The following SLC10A7 variants were observed in gnomAD, a reference collection of about 807,000 sequenced individuals.
The protein encoded by SLC10A7 is sodium/bile acid cotransporter 7.
SLC10A7 carries 29 observed loss-of-function variants against 43.2 expected under a neutral mutation model. That is an observed-to-expected ratio of 0.67 (90% CI 0.50 to 0.92). The LOEUF (loss-of-function observed/expected upper bound fraction) is 0.92. Ranked by LOEUF, SLC10A7 falls within the 40% of genes least tolerant of loss-of-function variation. The pLI is 0.00. For missense variants in SLC10A7, 295 were observed against 403.2 expected (o/e 0.73, Z 2.30); for synonymous variants, 152 against 144.8 (o/e 1.05, Z -0.35).
At chr4:146,403,586 T>A (rs1440307042) in intron 5 of SLC10A7, among the ~76,000 whole-genome samples, 1 of 152,190 alleles carries the variant, frequency 6.6e-6, no homozygotes, top group African/African-American at 2.4e-5. Flanking sequence ...CACACCTAAC[T>A]ATGACAGCCT....
In SLC10A7 at chr4:146,264,335, T is replaced by C. The variant is rs562806211; in HGVS notation, c.848-5498A>G. ...CTTGAGAAACAGACATTTTTCTTCT[T>C]AGATTAAATATGGACTTTTATTTAA... On this transcript the variant is annotated intron_variant, in intron 10 of 11. Transcript: ENST00000335472. Among the ~76,000 whole-genome samples, 251 of 152,346 alleles carry C rather than the reference T, an allele frequency of 1.6e-3. 1 individual carries two copies. The highest frequency in any genetic ancestry group is 5.5e-3 in the African/African-American group (227 of 41,582).
intron 5 of SLC10A7, among the ~76,000 whole-genome samples, chr4:146,335,529 G>A (rs142864004): frequency 6.6e-6 from 1 of 152,184 alleles, no homozygotes; most frequent in Non-Finnish European, 1.5e-5. Flanking sequence ...AAGGCAGTCA[G>A]TGCCTCTGCT....
At chr4:146,457,430 T>G (rs955976877) in intron 4 of SLC10A7, among the ~76,000 whole-genome samples, 1 of 151,942 alleles carries the variant, frequency 6.6e-6, no homozygotes, top group African/African-American at 2.4e-5. Flanking sequence ...AATTAAATTA[T>G]TATTGACTAT....
At chr4:146,396,333 AAT>A (rs909170236) in intron 5 of SLC10A7, among the ~76,000 whole-genome samples, 3 of 152,190 alleles carry the variant, frequency 2.0e-5, no homozygotes, top group Non-Finnish European at 4.4e-5. Flanking sequence ...GTGGAAAGAG[AAT>A]ATCTAAATAA....
At chr4:146,310,887 CAG>C (rs773495883) in intron 6 of SLC10A7, among the ~76,000 whole-genome samples, 9 of 140,320 alleles carry the variant, frequency 6.4e-5, no homozygotes, top group East Asian at 2.1e-4. Flanking sequence ...CAGTGTGAAA[CAG>C]GGGAAGGGGG....
intron 6 of SLC10A7, among the ~76,000 whole-genome samples, chr4:146,314,840 C>A (rs1039078104): frequency 2.0e-5 from 3 of 152,022 alleles, no homozygotes; most frequent in African/African-American, 7.2e-5. Context: ...CAATTATGCA[C>A]CTATTTAAAT....
intron 10 of SLC10A7, among the ~76,000 whole-genome samples, chr4:146,268,369 T>A (rs1280710175): frequency 6.6e-6 from 1 of 151,992 alleles, no homozygotes; most frequent in Admixed American, 6.6e-5. Context: ...CAAAGATAGG[T>A]CATAAACTTG....
At chr4:146,296,891 C>G (rs1730823355) in intron 7 of SLC10A7, among the ~76,000 whole-genome samples, 1 of 152,152 alleles carries the variant, frequency 6.6e-6, no homozygotes, top group Non-Finnish European at 1.5e-5. Context: ...TAGCCACTTA[C>G]ACTTTTGATA....
Position 146,291,301 on chromosome 4 carries a change from G to A in SLC10A7, c.773+1628C>T, listed in dbSNP as rs72728000. 5.4e-3 allele frequency among the ~76,000 whole-genome samples: 819 copies of A among 152,270 alleles called. 4 individuals are homozygous for A. The highest frequency in any genetic ancestry group is 0.02 in the East Asian group (102 of 5,182). On this transcript the variant is annotated intron_variant, in intron 9 of 11. Transcript: ENST00000335472. ...CCCAATTAAGTCACATTTTCTCTGT[G>A]ACTTAATGGCTCCAGGCTTTACTCT...
chr4:146,316,435 G>A (rs1732328614), intron 6 of SLC10A7, among the ~76,000 whole-genome samples: 2 of 152,016 alleles, frequency 1.3e-5, no homozygotes, highest in Admixed American at 1.3e-4. Flanking sequence ...TTATAAAAGA[G>A]GCCCTAGAGA....
chr4:146,513,505 A>G (rs568978275), intron 2 of SLC10A7, among the ~76,000 whole-genome samples: 2 of 152,324 alleles, frequency 1.3e-5, no homozygotes, highest in African/African-American at 4.8e-5. Flanking sequence ...TACCACTTTT[A>G]TTACAACAGA....
At chr4:146,481,816 G>T (rs544523849) in intron 4 of SLC10A7, among the ~76,000 whole-genome samples, 1 of 152,272 alleles carries the variant, frequency 6.6e-6, no homozygotes, top group South Asian at 2.1e-4. Flanking sequence ...TAGCCACCCT[G>T]AGCACCTGTG....
chr4:146,404,949 G>T (rs1560876709), intron 5 of SLC10A7, among the ~76,000 whole-genome samples: 1 of 152,094 alleles, frequency 6.6e-6, no homozygotes, highest in Non-Finnish European at 1.5e-5. Context: ...TCTAGGTCAG[G>T]TCCCATCTCG....
At chr4:146,398,080 A>G (rs1046981132) in intron 5 of SLC10A7, among the ~76,000 whole-genome samples, 5 of 152,210 alleles carry the variant, frequency 3.3e-5, no homozygotes, top group African/African-American at 4.8e-5. Context: ...TCAGAACACA[A>G]TAACTCTTAG....
chr4:146,495,138 C>A (rs1231199661), intron 4 of SLC10A7, among the ~76,000 whole-genome samples: 1 of 152,170 alleles, frequency 6.6e-6, no homozygotes, highest in Non-Finnish European at 1.5e-5. Flanking sequence ...GCACACCAGT[C>A]TGGAGGCTAA....
chr4:146,357,777 C>T (rs770339445), intron 5 of SLC10A7, among the ~76,000 whole-genome samples: 2 of 152,020 alleles, frequency 1.3e-5, no homozygotes, highest in Non-Finnish European at 2.9e-5. Flanking sequence ...AAAGAGTACC[C>T]GGAAGTGAGG....
chr4:146,519,998 C>T (rs1049476220), intron 1 of SLC10A7, among the ~76,000 whole-genome samples: 1 of 152,146 alleles, frequency 6.6e-6, no homozygotes, highest in Non-Finnish European at 1.5e-5. Context: ...TTTGCAGAAT[C>T]TATCTCATAC....
chr4:146,326,187 G>A (rs897528496), intron 5 of SLC10A7, among the ~76,000 whole-genome samples, 191 bp from the exon 6 acceptor site: 1 of 152,138 alleles, frequency 6.6e-6, no homozygotes, highest in African/African-American at 2.4e-5. Context: ...ACAATTATTT[G>A]TATTTGGCAG....
At chr4:146,516,988 C>G (rs1485870549) in intron 2 of SLC10A7, 50 bp downstream of exon 2, 17 of 1,389,382 alleles carry the variant, frequency 1.2e-5, no homozygotes, top group Non-Finnish European at 1.7e-5. Flanking sequence ...TAAGTAAGTA[C>G]AAATTAAATT....
Sources: gnomAD v4.1 joint callset for allele counts (sites outside exome capture counted in the v4.1 genomes callset) on GRCh38, gnomAD v4.1.1 for gene constraint, MANE v1.5 for transcripts, NCBI Gene and HGNC (gene_info 2026-07-23, HGNC 2026-07-21) for gene names.